The following RPS6KA6 variants were observed in gnomAD, a reference collection of about 807,000 sequenced individuals.
RPS6KA6 encodes ribosomal protein S6 kinase alpha-6.
RPS6KA6 carries 27 observed loss-of-function variants against 65.4 expected under a neutral mutation model. The ratio of observed to expected loss-of-function variants is 0.41; its 90% CI spans 0.30 to 0.57. The LOEUF (loss-of-function observed/expected upper bound fraction) is 0.57. Ranked by LOEUF, RPS6KA6 falls within the 20% of genes least tolerant of loss-of-function variation. The pLI, the probability that RPS6KA6 is intolerant of heterozygous loss-of-function variation, is 0.24. For synonymous variants in RPS6KA6, 190 were observed against 184.2 expected, an observed-to-expected ratio of 1.03 and a Z score of -0.26; for missense variants, 486 against 555.6, an observed-to-expected ratio of 0.87 and a Z score of 1.26.
chrX:84,121,808 A>G (rs137868764), intron 8 of RPS6KA6, among the ~76,000 whole-genome samples: 6,613 of 112,412 alleles, frequency 0.059, 196 homozygotes, highest in Non-Finnish European at 0.087. Flanking sequence ...CAAAAAAGAA[A>G]ATAGAAATTC....
At chrX:84,099,448 A>G (rs749845987) in intron 18 of RPS6KA6, among the ~76,000 whole-genome samples, 1 of 111,352 alleles carries the variant, frequency 9.0e-6, no homozygotes, top group East Asian at 2.8e-4. Context: ...AGTCAGTGGC[A>G]TAAGTCTCTC....
intron 8 of RPS6KA6, among the ~76,000 whole-genome samples, chrX:84,122,351 T>C (rs12690010): frequency 0.06 from 5,928 of 98,205 alleles, 215 homozygotes; most frequent in East Asian, 0.2. Context: ...GCTTTTGTTA[T>C]TTTTTTTAAG....
intron 2 of RPS6KA6, among the ~76,000 whole-genome samples, chrX:84,161,987 G>C (rs769199425): frequency 7.2e-5 from 8 of 111,106 alleles, no homozygotes; most frequent in Non-Finnish European, 1.3e-4. Context: ...AATACCAATG[G>C]ATCATAAACT....
At position 84,188,125 on chromosome X, in the gene RPS6KA6, T is replaced by C. The variant is rs1427820803; in HGVS notation, c.-226A>G. ...GATTCCCATAGAGAAGACAACTCTGTGCTGCCTCTCCAAGAGCTGCCGCTC... is the reference window on the plus strand; with the variant it reads ...GATTCCCATAGAGAAGACAACTCTGCGCTGCCTCTCCAAGAGCTGCCGCTC... On this transcript the variant is annotated 5_prime_UTR_variant, in exon 1 of 22. Transcript: ENST00000262752. 9.0e-6 allele frequency among the ~76,000 whole-genome samples: 1 copy of C among 110,822 alleles called. No homozygotes were observed. Among genetic ancestry groups the C allele is most frequent in the Non-Finnish European group, 1.9e-5 (1 of 52,665 alleles).
intron 12 of RPS6KA6, among the ~76,000 whole-genome samples, chrX:84,110,449 A>C (rs1271331903): frequency 8.9e-6 from 1 of 112,334 alleles, no homozygotes; most frequent in Non-Finnish European, 1.9e-5. Context: ...TCCACTGTCC[A>C]GCCCATCATC....
chrX:84,159,095 T>C (rs2035468303), intron 2 of RPS6KA6, among the ~76,000 whole-genome samples: 1 of 111,197 alleles, frequency 9.0e-6, no homozygotes, highest in African/African-American at 3.3e-5. Flanking sequence ...TGTTTATATA[T>C]AGCTACTTAA....
At chrX:84,088,041 A>G (rs911761782) in intron 20 of RPS6KA6, among the ~76,000 whole-genome samples, 2 of 111,423 alleles carry the variant, frequency 1.8e-5, no homozygotes, top group Non-Finnish European at 1.9e-5. Context: ...TCTAGTTGTC[A>G]GCTCCTGTTA....
At chrX:84,122,487 C>A (rs925531916) in intron 8 of RPS6KA6, among the ~76,000 whole-genome samples, 1 of 105,926 alleles carries the variant, frequency 9.4e-6, no homozygotes, top group Non-Finnish European at 1.9e-5. Context: ...CCCGCCACCA[C>A]GGGCAGCTAA....
intron 7 of RPS6KA6, 110 bp downstream of exon 7, chrX:84,134,994 T>C (rs1248508990): frequency 1.6e-6 from 1 of 625,071 alleles, no homozygotes; most frequent in Non-Finnish European, 2.5e-6. Context: ...CAAATAAGTT[T>C]CATATAATTC....
chrX:84,109,072 A>C (rs1244773256), intron 12 of RPS6KA6, among the ~76,000 whole-genome samples: 1 of 110,496 alleles, frequency 9.1e-6, no homozygotes, highest in African/African-American at 3.3e-5. Context: ...CACACTTGCC[A>C]CTCCTGGGCC....
chrX:84,117,619 C>T lies in RPS6KA6; in HGVS notation c.790-165G>A, dbSNP rs189367794. On this transcript the variant is annotated intron_variant, in intron 9 of 21. Coordinates refer to ENST00000262752, the MANE Select transcript of RPS6KA6 (RefSeq NM_014496.5). ...AAACTAGGTCACTTAAAGAAATATA[C>T]TTCTGGTATCCCACTCTCTCTCTCT... Among the ~76,000 whole-genome samples the T allele has an allele frequency of 2.0e-3, 218 of 110,854 alleles. No homozygotes were observed. The Middle Eastern group carries it at 0.023, about 12-fold the overall frequency.
intron 8 of RPS6KA6, among the ~76,000 whole-genome samples, chrX:84,134,473 A>G (rs2034958655): frequency 9.0e-6 from 1 of 111,409 alleles, no homozygotes; most frequent in South Asian, 3.7e-4. Context: ...GGTTGTCACT[A>G]TATTTCAAAT....
In RPS6KA6 at chrX:84,096,766, TA is replaced by T. The variant is rs775663901; in HGVS notation, c.1854-456del. 2.7e-4 allele frequency among the ~76,000 whole-genome samples: 30 copies of T among 111,703 alleles called. 1 individual carries two copies. In the South Asian group the frequency reaches 0.011, roughly 40 times the overall value. On this transcript the variant is annotated intron_variant, in intron 19 of 21. Coordinates refer to ENST00000262752, the MANE Select transcript of RPS6KA6 (RefSeq NM_014496.5). ...TATCATCAGTGGAAACGGTTATCAT[TA>T]CTTTTTATTAATATCTATGAAAACT...
At chrX:84,125,046 T>A (rs1458316941) in intron 8 of RPS6KA6, among the ~76,000 whole-genome samples, 1 of 112,058 alleles carries the variant, frequency 8.9e-6, no homozygotes, top group Admixed American at 9.5e-5. Flanking sequence ...CTATTATAAC[T>A]GGCAAAACAT....
intron 1 of RPS6KA6, among the ~76,000 whole-genome samples, chrX:84,181,834 C>G (rs1172614189): frequency 9.0e-6 from 1 of 111,121 alleles, no homozygotes; most frequent in African/African-American, 3.3e-5. Context: ...TAGACCCTTA[C>G]AGCCTGCTTA....
rs141423745 is a variant in RPS6KA6 at position 84,114,710 on chromosome X, A to C, written c.1008+1519T>G. On this transcript the variant is annotated intron_variant, in intron 12 of 21. Coordinates refer to ENST00000262752, the MANE Select transcript of RPS6KA6 (RefSeq NM_014496.5). ...ATCACATTTCCTAATTTCAAATTAT[A>C]CTACAAGGCTATAGTAACTAAAACA... Among the ~76,000 whole-genome samples, 78 of 112,035 alleles carry C rather than the reference A, an allele frequency of 7.0e-4. No homozygotes were observed. The East Asian group carries it at 0.012, about 17-fold the overall frequency.
At chrX:84,153,381 A>C (rs1290604331) in intron 3 of RPS6KA6, among the ~76,000 whole-genome samples, 1 of 111,663 alleles carries the variant, frequency 9.0e-6, no homozygotes, top group Non-Finnish European at 1.9e-5. Flanking sequence ...GTGTTTTAAA[A>C]TAATTAATGT....
intron 6 of RPS6KA6, among the ~76,000 whole-genome samples, chrX:84,142,316 A>G (rs1387615200): frequency 3.6e-5 from 4 of 111,056 alleles, no homozygotes; most frequent in African/African-American, 9.8e-5. Context: ...CTGAACTGAG[A>G]GAAAATAAAA....
chrX:84,166,034 G>A (rs1025862165), intron 1 of RPS6KA6, among the ~76,000 whole-genome samples: 1 of 111,944 alleles, frequency 8.9e-6, no homozygotes, highest in Non-Finnish European at 1.9e-5. Context: ...TGTGCAGAAA[G>A]GACTAAAGAA....
Sources: gnomAD v4.1 joint callset for allele counts (sites outside exome capture counted in the v4.1 genomes callset) on GRCh38, gnomAD v4.1.1 for gene constraint, MANE v1.5 for transcripts, NCBI Gene and HGNC (gene_info 2026-07-23, HGNC 2026-07-21) for gene names.